Variants in LRRC4C observed in about 807,000 individuals in gnomAD.
LRRC4C encodes leucine rich repeat containing 4C.
In LRRC4C, 5 loss-of-function variants were observed where a neutral mutation model predicts 33.6. The ratio of observed to expected loss-of-function variants is 0.15; its 90% CI spans 0.08 to 0.31. The LOEUF is 0.31. LRRC4C is among the 10% of genes least tolerant of loss of function. The pLI is 1.00. For synonymous variants in LRRC4C, 329 were observed against 302.0 expected (o/e 1.09, Z -0.93); for missense variants, 560 against 796.7 (o/e 0.70, Z 3.58).
At chr11:41,349,507 G>T (rs1302628255) in intron 1 of LRRC4C, among the ~76,000 whole-genome samples, 20 of 151,580 alleles carry the variant, frequency 1.3e-4, no homozygotes, top group Non-Finnish European at 1.5e-5. Context: ...ACATGGGCCT[G>T]GTTTCAGCCC....
At chr11:40,330,676 T>A (rs1268769589) in intron 3 of LRRC4C, among the ~76,000 whole-genome samples, 1 of 152,024 alleles carries the variant, frequency 6.6e-6, no homozygotes, top group Non-Finnish European at 1.5e-5. Context: ...GAAAAGCCCC[T>A]TATAAAACCA....
intron 3 of LRRC4C, among the ~76,000 whole-genome samples, chr11:40,645,881 C>G (rs149893903): frequency 6.6e-6 from 1 of 152,208 alleles, no homozygotes; most frequent in Admixed American, 6.5e-5. Context: ...CTCTATTTTT[C>G]GGGGGACACC....
intron 4 of LRRC4C, among the ~76,000 whole-genome samples, chr11:40,281,437 A>G (rs1369674070): frequency 1.3e-5 from 2 of 152,080 alleles, no homozygotes; most frequent in Admixed American, 6.6e-5. Context: ...CTCTCCCCGC[A>G]AACTCTTTCT....
chr11:41,093,767 T>G (rs1242010798), intron 1 of LRRC4C, among the ~76,000 whole-genome samples: 2 of 151,960 alleles, frequency 1.3e-5, no homozygotes, highest in Admixed American at 1.3e-4. Flanking sequence ...TCCAAATCAT[T>G]AGTGGTTTTC....
chr11:40,602,432 C>G (rs972595543), intron 3 of LRRC4C, among the ~76,000 whole-genome samples: 4 of 151,646 alleles, frequency 2.6e-5, no homozygotes, highest in Non-Finnish European at 5.9e-5. Flanking sequence ...AATCAAAGCA[C>G]TAATAATTGC....
intron 3 of LRRC4C, among the ~76,000 whole-genome samples, chr11:40,492,530 C>T (rs11035869): frequency 0.13 from 19,365 of 152,052 alleles, 1,401 homozygotes; most frequent in African/African-American, 0.18. Flanking sequence ...CACGTTATTA[C>T]GTATCTTTTA....
chr11:40,387,999 T>C (rs1350055261), intron 3 of LRRC4C, among the ~76,000 whole-genome samples: 2 of 152,182 alleles, frequency 1.3e-5, no homozygotes, highest in African/African-American at 4.8e-5. Flanking sequence ...GGATGAAATA[T>C]AGAAGCTCGT....
chr11:40,482,798 A>G (rs1460957185), intron 3 of LRRC4C, among the ~76,000 whole-genome samples: 1 of 152,168 alleles, frequency 6.6e-6, no homozygotes, highest in East Asian at 1.9e-4. Context: ...CTAAGAATAC[A>G]AAGAACCTAA....
chr11:41,447,296 T>G (rs1955855417), intron 1 of LRRC4C, among the ~76,000 whole-genome samples: 1 of 152,216 alleles, frequency 6.6e-6, no homozygotes, highest in Non-Finnish European at 1.5e-5. Flanking sequence ...TAAATAAGAT[T>G]TATGTTCATC....
At chr11:40,652,295 T>C (rs192376707) in intron 2 of LRRC4C, among the ~76,000 whole-genome samples, 16 of 152,338 alleles carry the variant, frequency 1.1e-4, no homozygotes, top group Admixed American at 6.5e-4. Flanking sequence ...CTACCCCAAA[T>C]TCACTTGCTA....
intron 3 of LRRC4C, among the ~76,000 whole-genome samples, chr11:40,619,459 A>G (rs915064794): frequency 6.6e-6 from 1 of 151,690 alleles, no homozygotes; most frequent in African/African-American, 2.4e-5. Context: ...AAAGAAATAA[A>G]GAAGACTGAA....
At chr11:40,626,534 G>A (rs1017663175) in intron 3 of LRRC4C, among the ~76,000 whole-genome samples, 2 of 152,062 alleles carry the variant, frequency 1.3e-5, no homozygotes, top group South Asian at 2.1e-4. Flanking sequence ...ATGAACAAAT[G>A]TCTCCTCTTT....
intron 2 of LRRC4C, among the ~76,000 whole-genome samples, chr11:40,678,935 G>A (rs184980684): frequency 6.6e-5 from 10 of 152,222 alleles, no homozygotes; most frequent in African/African-American, 2.4e-4. Flanking sequence ...GGCAGAGGTT[G>A]GAACAGTTTG....
At chr11:41,066,642 A>G (rs2135398363) in intron 1 of LRRC4C, among the ~76,000 whole-genome samples, 1 of 152,286 alleles carries the variant, frequency 6.6e-6, no homozygotes, top group African/African-American at 2.4e-5. Flanking sequence ...ATGAAGGAAA[A>G]AATGTTAATG....
chr11:41,260,564 A>G (rs1948947919), intron 1 of LRRC4C, among the ~76,000 whole-genome samples: 1 of 151,550 alleles, frequency 6.6e-6, no homozygotes, highest in East Asian at 1.9e-4. Flanking sequence ...TAAGGACAGT[A>G]CAGGAAAAAA....
intron 1 of LRRC4C, among the ~76,000 whole-genome samples, chr11:41,070,184 A>G (rs1167604320): frequency 6.6e-6 from 1 of 152,236 alleles, no homozygotes; most frequent in Non-Finnish European, 1.5e-5. Context: ...TCCCTGTTTA[A>G]TAAATGGTGC....
intron 1 of LRRC4C, among the ~76,000 whole-genome samples, chr11:41,083,665 C>T (rs748427583): frequency 1.3e-4 from 20 of 151,904 alleles, no homozygotes; most frequent in Non-Finnish European, 2.4e-4. Context: ...TACTGTCAGG[C>T]GAAAAAAATT....
chr11:41,200,734 C>G (rs981461612), intron 1 of LRRC4C, among the ~76,000 whole-genome samples: 1 of 152,012 alleles, frequency 6.6e-6, no homozygotes, highest in African/African-American at 2.4e-5. Context: ...AAAATATGGC[C>G]CCCCCAAAAA....
intron 3 of LRRC4C, among the ~76,000 whole-genome samples, chr11:40,457,553 C>A (rs758326229): frequency 1.3e-5 from 2 of 152,050 alleles, no homozygotes; most frequent in Non-Finnish European, 1.5e-5. Context: ...TCAAACTTTC[C>A]TTCCCATGTT....
Sources: gnomAD v4.1 joint callset for allele counts (sites outside exome capture counted in the v4.1 genomes callset) on GRCh38, gnomAD v4.1.1 for gene constraint, MANE v1.5 for transcripts, NCBI Gene and HGNC (gene_info 2026-07-23, HGNC 2026-07-21) for gene names.